ZSCAN18: variants seen among roughly 807,000 people sequenced by gnomAD.
ZSCAN18 encodes zinc finger and SCAN domain containing 18, also known as zinc finger and SCAN domain-containing protein 18.
ZSCAN18 carries 16 observed loss-of-function variants against 31.1 expected under a neutral mutation model. The observed-to-expected ratio is 0.51, with a 90% CI of 0.35 to 0.78. The LOEUF (loss-of-function observed/expected upper bound fraction) is 0.78, where lower values mean the gene tolerates loss of function less well. ZSCAN18 is among the 30% of genes least tolerant of loss of function. The pLI, the probability that ZSCAN18 is intolerant of heterozygous loss-of-function variation, is 0.01. For synonymous variants in ZSCAN18, 375 were observed against 320.7 expected (o/e 1.17, Z -1.81); for missense variants, 731 against 697.4 (o/e 1.05, Z -0.54).
At chr19:58,098,474 G>A (rs960229660), upstream of ZSCAN18, 11 of 715,804 alleles carry the variant, frequency 1.5e-5, no homozygotes, top group East Asian at 9.2e-4. Flanking sequence ...CCAGAGACCC[G>A]GAGAAACAAA....
intron 1 of ZSCAN18, chr19:58,107,974 T>C (rs2074649048): frequency 1.9e-6 from 2 of 1,052,932 alleles, no homozygotes; most frequent in African/African-American, 1.7e-5. Flanking sequence ...AGGCCCGCGA[T>C]GTTCCTGAAA....
At chr19:58,113,915 T>C (rs1355259573) in intron 1 of ZSCAN18, among the ~76,000 whole-genome samples, 1 of 151,586 alleles carries the variant, frequency 6.6e-6, no homozygotes, top group African/African-American at 2.4e-5. Flanking sequence ...GAGGCAGAGG[T>C]TGCCATAAGC....
chr19:58,094,280 A>G (rs1349293113), intron 1 of ZSCAN18, among the ~76,000 whole-genome samples: 10 of 151,644 alleles, frequency 6.6e-5, no homozygotes, highest in South Asian at 2.1e-4. Flanking sequence ...GCATGGTGGC[A>G]GGCGCCCGTA....
rs1396435389 is a variant in ZSCAN18, at chr19:58,083,922, C to T, written c.*763G>A. 1 of 152,242 alleles carries T rather than the reference C, an allele frequency of 6.6e-6. No homozygotes were observed. Among genetic ancestry groups the T allele is most frequent in the Non-Finnish European group, 1.5e-5 (1 of 68,050 alleles). 9.4% of individuals were successfully genotyped at this position (152,242 alleles called of 1,614,324 possible). A position where few individuals can be genotyped will look rare whatever the true frequency, so the allele number is the denominator to read the frequency against. On this transcript the variant is annotated 3_prime_UTR_variant, in exon 7 of 7. Transcript: ENST00000601144. ...TTTCAACTTATTTTGCTCACAACTT[C>T]CCAGCAAGAAATGTCTTACATTGCA...
intron 6 of ZSCAN18, chr19:58,085,838 T>C: frequency 8.7e-6 from 3 of 345,450 alleles, no homozygotes; most frequent in East Asian, 5.3e-5. Flanking sequence ...CCCAGGGCCC[T>C]CCAGCCCAAG....
chr19:58,109,833 AT>A (rs200862607), intron 1 of ZSCAN18, among the ~76,000 whole-genome samples: 1 of 152,008 alleles, frequency 6.6e-6, no homozygotes, highest in Non-Finnish European at 1.5e-5. Context: ...ATTAACATAG[AT>A]TTTTTTTCAG....
chr19:58,094,554 G>A (rs1287482629), intron 1 of ZSCAN18, among the ~76,000 whole-genome samples: 1 of 152,136 alleles, frequency 6.6e-6, no homozygotes, highest in Non-Finnish European at 1.5e-5. Context: ...CGTACCCACA[G>A]GTTTGGCATG....
At chr19:58,102,897 C>G (rs778050673), upstream of ZSCAN18, among the ~76,000 whole-genome samples, 1 of 152,048 alleles carries the variant, frequency 6.6e-6, no homozygotes, top group South Asian at 2.1e-4. Context: ...TTTGGGAGGC[C>G]GAGGTGGGTG....
rs544090220 is a variant in ZSCAN18 at position 58,112,792 on chromosome 19, A to G, written c.130+5475T>C. ...TGGTGAAACCCCTTCTCTACTAAAA[A>G]CACAAAAAATTAGCCAGGCATGGTG... On this transcript the variant is annotated intron_variant, in intron 1 of 1. Coordinates refer to the ZSCAN18 transcript ENST00000595721. Among the ~76,000 whole-genome samples the G allele has an allele frequency of 2.5e-3, 371 of 151,006 alleles. 2 individuals carry two copies. Among genetic ancestry groups the G allele is most frequent in the Non-Finnish European group, 4.1e-3 (275 of 67,764 alleles).
intron 1 of ZSCAN18, among the ~76,000 whole-genome samples, chr19:58,103,312 T>C (rs183056267): frequency 6.2e-4 from 95 of 152,340 alleles, no homozygotes; most frequent in African/African-American, 2.1e-3. Context: ...CTTTGCTTAA[T>C]TATCCTATGC....
chr19:58,099,641 G>A (rs2074575544), upstream of ZSCAN18, among the ~76,000 whole-genome samples: 1 of 152,170 alleles, frequency 6.6e-6, no homozygotes, highest in South Asian at 2.1e-4. Flanking sequence ...CAATGAACAC[G>A]TGCTTATTAG....
chr19:58,116,492 C>T (rs1417248881), intron 1 of ZSCAN18, among the ~76,000 whole-genome samples: 1 of 152,022 alleles, frequency 6.6e-6, no homozygotes, highest in African/African-American at 2.4e-5. Context: ...CACTATCAAA[C>T]GCTCTGCAAA....
At chr19:58,094,298 C>T (rs1360180457) in intron 1 of ZSCAN18, among the ~76,000 whole-genome samples, 1 of 151,534 alleles carries the variant, frequency 6.6e-6, no homozygotes, top group South Asian at 2.1e-4. Flanking sequence ...GTAGTCCCAG[C>T]TACTCAGGAG....
At chr19:58,101,125 C>CT (rs71188077), upstream of ZSCAN18, among the ~76,000 whole-genome samples, 1,573 of 127,056 alleles carry the variant, frequency 0.012, 38 homozygotes, top group African/African-American at 0.031. Context: ...ATTCCTCCCA[C>CT]TTTTTTTTTT....
chr19:58,086,298 G>C, intron 5 of ZSCAN18, 32 bp from the exon 6 acceptor site: 1 of 1,604,170 alleles, frequency 6.2e-7, no homozygotes, highest in Non-Finnish European at 8.5e-7. Flanking sequence ...AGAAATAAAA[G>C]GCATCAACAC....
intron 1 of ZSCAN18, chr19:58,092,760 C>G (rs1040306800): frequency 1.0e-6 from 1 of 974,144 alleles, no homozygotes; most frequent in African/African-American, 1.8e-5. Flanking sequence ...ACCACCACCA[C>G]GATACCTCTA....
chr19:58,101,299 ATTTTTTTTTTT>A (rs71188078), upstream of ZSCAN18, among the ~76,000 whole-genome samples: 3 of 108,412 alleles, frequency 2.8e-5, no homozygotes, highest in African/African-American at 7.3e-5. Context: ...TGCCCAGCTA[ATTTTTTTTTTT>A]TTTTTTTTTT....
intron 1 of ZSCAN18, among the ~76,000 whole-genome samples, chr19:58,111,803 A>G (rs1029964150): frequency 7.2e-5 from 11 of 152,218 alleles, no homozygotes; most frequent in African/African-American, 2.4e-4. Context: ...CAAGAAACCT[A>G]GAAACCATAT....
chr19:58,110,793 C>A (rs1744643537), intron 1 of ZSCAN18, among the ~76,000 whole-genome samples: 1 of 152,194 alleles, frequency 6.6e-6, no homozygotes, highest in Non-Finnish European at 1.5e-5. Context: ...GGATGACTCA[C>A]TGAGTCTTTA....
Sources: gnomAD v4.1 joint callset for allele counts (sites outside exome capture counted in the v4.1 genomes callset) on GRCh38, gnomAD v4.1.1 for gene constraint, MANE v1.5 for transcripts, NCBI Gene and HGNC (gene_info 2026-07-23, HGNC 2026-07-21) for gene names.